NAT1: variants seen among roughly 807,000 people sequenced by gnomAD.
The protein encoded by NAT1 is arylamine N-acetyltransferase 1.
For synonymous variants in NAT1, 144 were observed against 122.6 expected, an observed-to-expected ratio of 1.17 and a Z score of -1.16; for missense variants, 400 against 339.2, an observed-to-expected ratio of 1.18 and a Z score of -1.41.
At chr8:18,170,630 T>G (rs1253387258) in intron 1 of NAT1, 1 of 152,202 alleles carries the variant, frequency 6.6e-6, no homozygotes, top group Non-Finnish European at 1.5e-5. Flanking sequence ...CTTTTCTTGC[T>G]CAAATAAAGT....
chr8:18,222,808 A>C lies in NAT1; in HGVS notation c.761A>C (p.Glu254Ala). ...FNYKDNTDLI[E>A]FKTLSEEEIE... Reference sequence around the variant, plus strand: ...TATAAGGACAATACAGATCTAATAGAGTTCAAGACTCTGAGTGAGGAAGAA... The same window carrying C: ...TATAAGGACAATACAGATCTAATAGCGTTCAAGACTCTGAGTGAGGAAGAA... The change falls in exon 3 of 3, where the codon GAG becomes GCG. Residue 254 changes from glutamate (E) to alanine (A), a missense_variant. Physicochemically the swap from Glu to Ala is moderately radical, Grantham distance 107 (BLOSUM62 -1). Coordinates refer to ENST00000307719, the MANE Select transcript of NAT1 (RefSeq NM_000662.8). The C allele has an allele frequency of 1.2e-6, 2 of 1,610,260 alleles. No individual in the cohort carries two copies. Among genetic ancestry groups the C allele is most frequent in the Non-Finnish European group, 1.7e-6 (2 of 1,178,636 alleles).
At chr8:18,193,175 C>G (rs1803083363) in intron 2 of NAT1, among the ~76,000 whole-genome samples, 2 of 143,400 alleles carry the variant, frequency 1.4e-5, no homozygotes, top group African/African-American at 5.2e-5. Context: ...ACCTCCTGGG[C>G]TCAAGCAATC....
intron 1 of NAT1, among the ~76,000 whole-genome samples, chr8:18,217,834 GC>G (rs768602050): frequency 1.5e-3 from 226 of 152,242 alleles, no homozygotes; most frequent in Non-Finnish European, 2.7e-3. Flanking sequence ...TAGGGCTGTT[GC>G]AGGGGCTGGT....
At chr8:18,192,601 CAAT>C (rs1803043569) in intron 2 of NAT1, among the ~76,000 whole-genome samples, 1 of 152,084 alleles carries the variant, frequency 6.6e-6, no homozygotes, top group African/African-American at 2.4e-5. Flanking sequence ...AAATGTCCAA[CAAT>C]GATAGACTGG....
At chr8:18,181,517 A>G (rs1427793406) in intron 2 of NAT1, among the ~76,000 whole-genome samples, 2 of 152,184 alleles carry the variant, frequency 1.3e-5, no homozygotes, top group African/African-American at 4.8e-5. Flanking sequence ...GTAAACAGGG[A>G]TAATCTGACT....
At chr8:18,194,727 G>A (rs1803160548) in intron 2 of NAT1, among the ~76,000 whole-genome samples, 1 of 151,912 alleles carries the variant, frequency 6.6e-6, no homozygotes, top group African/African-American at 2.4e-5. Flanking sequence ...GGCTGAGGCA[G>A]GAGAATCGCT....
intron 2 of NAT1, among the ~76,000 whole-genome samples, chr8:18,181,894 AG>A (rs1802538200): frequency 6.6e-6 from 1 of 152,148 alleles, no homozygotes; most frequent in Non-Finnish European, 1.5e-5. Flanking sequence ...GTCCCAGGGA[AG>A]GTCTAAATTC....
chr8:18,208,509 A>G (rs1803830269), upstream of NAT1, among the ~76,000 whole-genome samples: 1 of 152,188 alleles, frequency 6.6e-6, no homozygotes, highest in African/African-American at 2.4e-5. Flanking sequence ...TCAGGAAAAC[A>G]CAATCCATCA....
intron 1 of NAT1, chr8:18,217,013 G>C: frequency 1.3e-6 from 2 of 1,512,096 alleles, no homozygotes; most frequent in Non-Finnish European, 1.8e-6. Context: ...CCTGGATGCA[G>C]TACCTCCAGT....
intron 2 of NAT1, among the ~76,000 whole-genome samples, chr8:18,174,458 T>C (rs929810087): frequency 6.6e-6 from 1 of 152,102 alleles, no homozygotes; most frequent in East Asian, 1.9e-4. Flanking sequence ...GCTACCTTCA[T>C]AAAGATATTC....
chr8:18,219,728 G>A (rs933826999), intron 2 of NAT1, among the ~76,000 whole-genome samples: 36 of 152,296 alleles, frequency 2.4e-4, no homozygotes, highest in African/African-American at 8.4e-4. Context: ...AATTTCTTAT[G>A]TTCAGCCACA....
rs1437658137 is a variant in NAT1 at position 18,219,347 on chromosome 8, C to T, written c.-85-64C>T. 7.2e-6 allele frequency: 8 copies of T among 1,109,088 alleles called. No individual in the cohort carries two copies. In the East Asian group the frequency reaches 2.1e-4, roughly 29 times the overall value. The allele number at this position is 1,109,088 out of a possible 1,614,324, so 68.7% of individuals were successfully genotyped here. On this transcript the variant is annotated intron_variant, in intron 1 of 2. Transcript: ENST00000307719. ...TCTTCATAATTTACGGTCTACAAAA[C>T]TATTATTTTGTTTTCAAGGAAGTCA...
At position 18,192,554 on chromosome 8, in the gene NAT1, G is replaced by A. The variant is rs148598804; in HGVS notation, n.93-17227G>A. ...ACACATGCACACCTATGTTTATTGC[G>A]GCACTATGCACAATAGCAAAGACTT... On this transcript the variant is annotated intron_variant and non_coding_transcript_variant, in intron 2 of 4. Coordinates refer to the NAT1 transcript ENST00000517441. 5.6e-3 allele frequency among the ~76,000 whole-genome samples: 858 copies of A among 152,100 alleles called. 8 individuals carry two copies. The highest frequency in any genetic ancestry group is 0.019 in the African/African-American group (779 of 41,476).
At chr8:18,182,129 C>T (rs1802547314) in intron 2 of NAT1, among the ~76,000 whole-genome samples, 1 of 152,132 alleles carries the variant, frequency 6.6e-6, no homozygotes, top group Non-Finnish European at 1.5e-5. Flanking sequence ...TGTATCTCTT[C>T]TTGTTATTAT....
In NAT1 at chr8:18,223,686, C is replaced by G. The variant is rs1056035864; in HGVS notation, c.*766C>G. On this transcript the variant is annotated 3_prime_UTR_variant, in exon 3 of 3. Coordinates refer to ENST00000307719, the MANE Select transcript of NAT1 (RefSeq NM_000662.8). ...GTTATTGTTCCATCTTGCTTGCCCC[C>G]CCACCCCTGTCATCTGCCTGCTTCT... is the stretch of plus-strand genomic sequence containing the variant. 3 of 159,848 alleles carry G rather than the reference C, an allele frequency of 1.9e-5. No homozygotes were observed. Among genetic ancestry groups the G allele is most frequent in the Non-Finnish European group, 3.0e-5 (2 of 67,074 alleles). The allele number at this position is 159,848 out of a possible 1,614,324, so 9.9% of individuals were successfully genotyped here.
At chr8:18,216,984 C>T (rs1438514340) in intron 1 of NAT1, 9 of 1,550,136 alleles carry the variant, frequency 5.8e-6, no homozygotes, top group Non-Finnish European at 7.9e-6. Flanking sequence ...TGATGATCAC[C>T]ATGTTTCTGG....
At chr8:18,187,769 C>T (rs1031016170) in intron 2 of NAT1, among the ~76,000 whole-genome samples, 4 of 151,924 alleles carry the variant, frequency 2.6e-5, no homozygotes, top group Admixed American at 6.6e-5. Flanking sequence ...GCATATTACC[C>T]GGGTGATGAA....
upstream of NAT1, among the ~76,000 whole-genome samples, chr8:18,208,078 A>C (rs765846660): frequency 2.6e-5 from 4 of 151,904 alleles, no homozygotes; most frequent in South Asian, 8.4e-4. Flanking sequence ...GAAGACATGG[A>C]CATAGGGAGG....
At chr8:18,183,166 A>G (rs1802588878) in intron 2 of NAT1, among the ~76,000 whole-genome samples, 1 of 152,136 alleles carries the variant, frequency 6.6e-6, no homozygotes, top group African/African-American at 2.4e-5. Flanking sequence ...TGGAAGGTGA[A>G]AAGGACCAAG....
Sources: gnomAD v4.1 joint callset for allele counts (sites outside exome capture counted in the v4.1 genomes callset) on GRCh38, gnomAD v4.1.1 for gene constraint, MANE v1.5 for transcripts, NCBI Gene and HGNC (gene_info 2026-07-23, HGNC 2026-07-21) for gene names.